The following SLC12A2 variants were observed in gnomAD, a reference collection of about 807,000 sequenced individuals.
The protein encoded by SLC12A2 is solute carrier family 12 member 2.
In SLC12A2, 67 loss-of-function variants were observed where a neutral mutation model predicts 136.3. That is an observed-to-expected ratio of 0.49 (90% CI 0.40 to 0.60). SLC12A2 has a LOEUF of 0.60. SLC12A2 is among the 20% of genes least tolerant of loss of function. SLC12A2 has a pLI of 0.00. For missense variants in SLC12A2, 1,322 were observed against 1,534.7 expected, an observed-to-expected ratio of 0.86 and a Z score of 2.32; for synonymous variants, 619 against 562.9, an observed-to-expected ratio of 1.10 and a Z score of -1.41.
At chr5:128,090,611 A>G (rs1248340603) in intron 1 of SLC12A2, among the ~76,000 whole-genome samples, 1 of 152,220 alleles carries the variant, frequency 6.6e-6, no homozygotes, top group Admixed American at 6.5e-5. Flanking sequence ...AACAAACAAA[A>G]TTAAAGCAGG....
intron 23 of SLC12A2, 51 bp downstream of exon 23, chr5:128,181,045 ACAGTATAAATTTG>A: frequency 1.9e-6 from 2 of 1,055,896 alleles, no homozygotes; most frequent in Non-Finnish European, 2.9e-6. Flanking sequence ...CTTCATTGCT[ACAGTATAAATTTG>A]ATAGGATAAA....
At chr5:128,104,084 G>A (rs913499952) in intron 1 of SLC12A2, among the ~76,000 whole-genome samples, 3 of 152,116 alleles carry the variant, frequency 2.0e-5, no homozygotes, top group South Asian at 2.1e-4. Context: ...ATGGATGTAC[G>A]GAAACCCAGG....
intron 4 of SLC12A2, among the ~76,000 whole-genome samples, chr5:128,123,677 T>C (rs1388128552): frequency 1.3e-5 from 2 of 152,214 alleles, no homozygotes. Flanking sequence ...TTTGAGAGGT[T>C]CTAGATACAA....
chr5:128,095,772 T>C (rs959124001), intron 1 of SLC12A2, among the ~76,000 whole-genome samples: 1 of 152,172 alleles, frequency 6.6e-6, no homozygotes, highest in Admixed American at 6.5e-5. Context: ...CCAAGGGAAG[T>C]CAAAAGATTG....
intron 5 of SLC12A2, among the ~76,000 whole-genome samples, chr5:128,133,123 G>A (rs1302364389): frequency 2.0e-5 from 3 of 151,390 alleles, no homozygotes; most frequent in East Asian, 3.9e-4. Flanking sequence ...GAATTTCAAC[G>A]ATCAGATTAA....
intron 19 of SLC12A2, among the ~76,000 whole-genome samples, chr5:128,173,550 G>A (rs1763448567): frequency 6.6e-6 from 1 of 152,164 alleles, no homozygotes; most frequent in South Asian, 2.1e-4. Flanking sequence ...TAAGAGCATA[G>A]GCATTGGAGT....
At chr5:128,166,985 T>C (rs1362332374) in intron 17 of SLC12A2, among the ~76,000 whole-genome samples, 1 of 152,066 alleles carries the variant, frequency 6.6e-6, no homozygotes, top group African/African-American at 2.4e-5. Context: ...GGCTTGAAAT[T>C]ATTTGAAAAA....
rs1270519608 is a variant in SLC12A2 at position 128,099,091 on chromosome 5, C to T, written c.757-13723C>T. Among the ~76,000 whole-genome samples, 2 of 152,082 alleles carry T rather than the reference C, an allele frequency of 1.3e-5. 1 individual carries two copies. The highest frequency in any genetic ancestry group is 2.9e-5 in the Non-Finnish European group (2 of 68,012). On this transcript the variant is annotated intron_variant, in intron 1 of 26. Transcript: ENST00000262461. ...TTTTTCATTTACTCTGGTTTCTTTT[C>T]CATGCACATACAGTCGTATGTTGCT... is the stretch of plus-strand genomic sequence containing the variant.
At chr5:128,169,175 T>C (rs1763293127) in intron 18 of SLC12A2, 1 of 152,144 alleles carries the variant, frequency 6.6e-6, no homozygotes, top group African/African-American at 2.4e-5. Context: ...GTAGTTTTTT[T>C]CTCATCCTAA....
chr5:128,139,714 A>T (rs1762298702), intron 9 of SLC12A2, among the ~76,000 whole-genome samples: 1 of 152,240 alleles, frequency 6.6e-6, no homozygotes, highest in South Asian at 2.1e-4. Flanking sequence ...CAAGCTTTAC[A>T]GTTAAATTTC....
chr5:128,157,937 TG>T, intron 15 of SLC12A2, 115 bp from the exon 16 acceptor site: 1 of 719,526 alleles, frequency 1.4e-6, no homozygotes, highest in Non-Finnish European at 2.3e-6. Context: ...GAGAATCCTG[TG>T]GCCTGTGTCT....
At position 128,152,811 on chromosome 5, in the gene SLC12A2, T is replaced by C. The variant is rs1018899743; in HGVS notation, c.2363+6T>C. On this transcript the variant is annotated splice_donor_region_variant and intron_variant, in intron 15 of 26. Transcript: ENST00000262461. ...GACCACGTGAAAAACTTTAGGTAAG[T>C]GATAAAGAAGGAAACATGGAAGCAT... 1 of 1,562,806 alleles carries C rather than the reference T, an allele frequency of 6.4e-7. No homozygotes were observed. The highest frequency in any genetic ancestry group is 8.8e-7 in the Non-Finnish European group (1 of 1,133,240).
intron 1 of SLC12A2, among the ~76,000 whole-genome samples, chr5:128,101,377 G>C (rs1691168850): frequency 6.6e-6 from 1 of 152,228 alleles, no homozygotes; most frequent in South Asian, 2.1e-4. Context: ...ACTTACCTTA[G>C]TATTAAGCAG....
chr5:128,085,117 G>T (rs190664287), intron 1 of SLC12A2, among the ~76,000 whole-genome samples: 34 of 151,844 alleles, frequency 2.2e-4, no homozygotes, highest in African/African-American at 8.2e-4. Flanking sequence ...TTGAAAGATT[G>T]TGTTGTGTGG....
At chr5:128,180,733 T>C in intron 22 of SLC12A2, 150 bp from the exon 23 acceptor site, 1 of 591,748 alleles carries the variant, frequency 1.7e-6, no homozygotes, top group Non-Finnish European at 3.0e-6. Context: ...TCAGGTCTGC[T>C]AATGGCTTTT....
intron 3 of SLC12A2, 43 bp downstream of exon 3, chr5:128,114,330 T>C (rs561437597): frequency 6.9e-7 from 1 of 1,443,702 alleles, no homozygotes; most frequent in East Asian, 2.3e-5. Context: ...ATAAGCAAAA[T>C]AACTGTGTCT....
chr5:128,112,183 TA>T (rs1761173109), intron 1 of SLC12A2, among the ~76,000 whole-genome samples: 1 of 152,108 alleles, frequency 6.6e-6, no homozygotes, highest in Non-Finnish European at 1.5e-5. Flanking sequence ...CTATGAAACC[TA>T]AAAACCTAAA....
intron 4 of SLC12A2, among the ~76,000 whole-genome samples, chr5:128,119,041 GCTATAAA>G (rs1330058265): frequency 6.6e-6 from 1 of 152,074 alleles, no homozygotes; most frequent in Non-Finnish European, 1.5e-5. Flanking sequence ...TGCCATTTTA[GCTATAAA>G]CTATAAACTA....
chr5:128,164,712 T>A (rs1333390233), intron 17 of SLC12A2, among the ~76,000 whole-genome samples: 3 of 152,170 alleles, frequency 2.0e-5, no homozygotes, highest in Non-Finnish European at 2.9e-5. Context: ...TGTTTTTAGA[T>A]GTTATTTGTT....
Sources: allele counts gnomAD v4.1 joint callset (sites outside exome capture counted in the v4.1 genomes callset), GRCh38; gene constraint gnomAD v4.1.1; transcripts MANE v1.5; gene names NCBI Gene and HGNC (gene_info 2026-07-23, HGNC 2026-07-21).